LRRTM3: variants seen among roughly 807,000 people sequenced by gnomAD.
LRRTM3 encodes the protein leucine rich repeat transmembrane neuronal 3.
A neutral mutation model predicts 44.7 loss-of-function variants in LRRTM3; 24 were observed. That is an observed-to-expected ratio of 0.54 (90% CI 0.39 to 0.76). LRRTM3 has a LOEUF of 0.76. Ranked by LOEUF, LRRTM3 falls within the 30% of genes least tolerant of loss-of-function variation. The pLI, the probability that LRRTM3 is intolerant of heterozygous loss-of-function variation, is 0.00. For synonymous variants in LRRTM3, 277 were observed against 278.7 expected, an observed-to-expected ratio of 0.99 and a Z score of 0.06; for missense variants, 587 against 702.2, an observed-to-expected ratio of 0.84 and a Z score of 1.85.
chr10:67,057,650 T>C (rs1855519119), intron 2 of LRRTM3, among the ~76,000 whole-genome samples: 1 of 152,140 alleles, frequency 6.6e-6, no homozygotes, highest in South Asian at 2.1e-4. Context: ...TTGGTTTACT[T>C]CAAGAAGCAC....
intron 2 of LRRTM3, among the ~76,000 whole-genome samples, chr10:66,998,343 A>AT (rs1163132419): frequency 2.0e-5 from 3 of 152,200 alleles, no homozygotes; most frequent in Non-Finnish European, 4.4e-5. Context: ...ATAGAACAAT[A>AT]TTTTTTAAAG....
chr10:67,061,992 C>A (rs1855783490), intron 2 of LRRTM3, among the ~76,000 whole-genome samples: 4 of 152,066 alleles, frequency 2.6e-5, no homozygotes, highest in South Asian at 4.1e-4. Flanking sequence ...ACACATTTTT[C>A]AACCTACTTC....
chr10:67,093,247 C>T (rs1857762903), intron 2 of LRRTM3, among the ~76,000 whole-genome samples: 1 of 151,818 alleles, frequency 6.6e-6, no homozygotes, highest in Admixed American at 6.6e-5. Context: ...CTTCCCTGAG[C>T]CTATTCCAAC....
At chr10:67,073,577 TGAGA>T (rs1229517131) in intron 2 of LRRTM3, among the ~76,000 whole-genome samples, 3 of 146,454 alleles carry the variant, frequency 2.0e-5, no homozygotes, top group South Asian at 4.3e-4. Flanking sequence ...AGAGAAAAAA[TGAGA>T]GAGTCATATT....
intron 2 of LRRTM3, among the ~76,000 whole-genome samples, chr10:66,928,772 ATAAG>A (rs1242992012): frequency 2.0e-5 from 3 of 152,330 alleles, no homozygotes; most frequent in African/African-American, 7.2e-5. Flanking sequence ...AACTTCTTTC[ATAAG>A]TAATCCCCCA....
chr10:67,096,549 T>G (rs952027020), intron 2 of LRRTM3, among the ~76,000 whole-genome samples: 1 of 151,898 alleles, frequency 6.6e-6, no homozygotes, highest in Admixed American at 6.6e-5. Context: ...AATTAGTAAT[T>G]AGGATATTAA....
intron 2 of LRRTM3, among the ~76,000 whole-genome samples, chr10:66,963,170 A>G (rs1849213322): frequency 6.6e-6 from 1 of 152,166 alleles, no homozygotes; most frequent in African/African-American, 2.4e-5. Context: ...CTATAGAAAT[A>G]CTGTAAAAAC....
intron 2 of LRRTM3, among the ~76,000 whole-genome samples, chr10:67,091,070 T>C (rs1399264969): frequency 6.6e-6 from 1 of 152,060 alleles, no homozygotes; most frequent in Admixed American, 6.6e-5. Flanking sequence ...GACAGCTTTC[T>C]ATTTTGACTC....
chr10:67,072,800 T>C (rs888355379), intron 2 of LRRTM3, among the ~76,000 whole-genome samples: 7 of 152,148 alleles, frequency 4.6e-5, no homozygotes, highest in African/African-American at 1.7e-4. Context: ...AAGAGTTCAA[T>C]GGTATGTTTG....
chr10:67,072,159 G>A (rs1287791413), intron 2 of LRRTM3, among the ~76,000 whole-genome samples: 4 of 152,020 alleles, frequency 2.6e-5, no homozygotes, highest in Non-Finnish European at 4.4e-5. Context: ...TTGCTATGTT[G>A]GTCAGGCTGG....
At chr10:66,978,960 CTTTTTTTTTTTTT>C (rs34112681) in intron 2 of LRRTM3, among the ~76,000 whole-genome samples, 1 of 83,782 alleles carries the variant, frequency 1.2e-5, no homozygotes, top group Non-Finnish European at 2.2e-5. Flanking sequence ...TACTTATTTC[CTTTTTTTTTTTTT>C]TTTTTTTTTT....
chr10:67,006,538 T>C (rs1852001912), intron 2 of LRRTM3, among the ~76,000 whole-genome samples: 2 of 106,948 alleles, frequency 1.9e-5, no homozygotes, highest in African/African-American at 3.1e-5. Context: ...AGATGTTTTC[T>C]ATTCTCTTAT....
chr10:66,995,411 G>C (rs1851272841), intron 2 of LRRTM3, among the ~76,000 whole-genome samples: 1 of 152,086 alleles, frequency 6.6e-6, no homozygotes, highest in African/African-American at 2.4e-5. Context: ...ATGGCCCATG[G>C]TAGCAGTCAG....
intron 2 of LRRTM3, among the ~76,000 whole-genome samples, chr10:67,086,442 T>A (rs1016121981): frequency 6.6e-6 from 1 of 152,046 alleles, no homozygotes; most frequent in African/African-American, 2.4e-5. Context: ...TATCAGTAAG[T>A]AATCATATCA....
intron 2 of LRRTM3, among the ~76,000 whole-genome samples, chr10:67,087,648 C>G (rs1279426192): frequency 6.6e-5 from 10 of 151,894 alleles, no homozygotes; most frequent in South Asian, 6.2e-4. Context: ...TGTGCCTCAT[C>G]ATTAGTGTGG....
At chr10:66,951,291 T>C (rs1020485151) in intron 2 of LRRTM3, among the ~76,000 whole-genome samples, 8 of 152,020 alleles carry the variant, frequency 5.3e-5, no homozygotes, top group Non-Finnish European at 2.9e-5. Context: ...AATTTTTGTA[T>C]TTTTAGTAGA....
chr10:67,053,198 C>T (rs938808848), intron 2 of LRRTM3, among the ~76,000 whole-genome samples: 5 of 152,120 alleles, frequency 3.3e-5, no homozygotes, highest in Non-Finnish European at 7.3e-5. Flanking sequence ...AACCTTCACA[C>T]AATTAACTTT....
At chr10:67,062,839 T>C (rs1158706801) in intron 2 of LRRTM3, among the ~76,000 whole-genome samples, 4 of 152,200 alleles carry the variant, frequency 2.6e-5, no homozygotes, top group African/African-American at 9.6e-5. Context: ...CAACAACAGC[T>C]GGAAGGCAGG....
chr10:66,948,517 CAATT>C (rs1458642369), intron 2 of LRRTM3, among the ~76,000 whole-genome samples: 4 of 152,124 alleles, frequency 2.6e-5, no homozygotes, highest in East Asian at 1.9e-4. Flanking sequence ...TCAATGCTCT[CAATT>C]AAAGATCTAC....
Sources: allele counts gnomAD v4.1 joint callset (sites outside exome capture counted in the v4.1 genomes callset), GRCh38; gene constraint gnomAD v4.1.1; transcripts MANE v1.5; gene names NCBI Gene and HGNC (gene_info 2026-07-23, HGNC 2026-07-21).